TTC3: variants seen among roughly 807,000 people sequenced by gnomAD.
TTC3 encodes the protein tetratricopeptide repeat domain 3.
Under a neutral mutation model 249.6 loss-of-function variants are expected in TTC3, and 180 were observed. That is an observed-to-expected ratio of 0.72 (90% CI 0.64 to 0.82). The LOEUF is 0.82. Among genes scored for constraint, TTC3 ranks in the 40% least tolerant of loss-of-function variants. The pLI, the probability that TTC3 is intolerant of heterozygous loss-of-function variation, is 0.00. For synonymous variants in TTC3, 717 were observed against 805.0 expected, an observed-to-expected ratio of 0.89 and a Z score of 1.85; for missense variants, 2,061 against 2,398.4, an observed-to-expected ratio of 0.86 and a Z score of 2.94.
intron 9 of TTC3, among the ~76,000 whole-genome samples, chr21:37,096,338 G>T (rs1398329320): frequency 6.6e-6 from 1 of 152,150 alleles, no homozygotes; most frequent in Non-Finnish European, 1.5e-5. Context: ...ATGAGTTAGA[G>T]CAACTAGAGT....
chr21:37,133,683 G>A (rs1017694698), intron 17 of TTC3, among the ~76,000 whole-genome samples: 2 of 152,160 alleles, frequency 1.3e-5, no homozygotes, highest in Non-Finnish European at 2.9e-5. Flanking sequence ...TTTCAGGACA[G>A]ATCATTTATG....
intron 41 of TTC3, chr21:37,194,378 C>G (rs750298709): frequency 6.6e-6 from 1 of 152,116 alleles, no homozygotes; most frequent in African/African-American, 2.4e-5. Flanking sequence ...CTCCCTTTGT[C>G]CAGTGTTTTC....
At chr21:37,138,316 G>A (rs2835621) in intron 18 of TTC3, among the ~76,000 whole-genome samples, 81,057 of 152,038 alleles carry the variant, frequency 0.53, 22,248 homozygotes, top group African/African-American at 0.64. Flanking sequence ...CTAAGTAAAT[G>A]TCTTAATCTG....
At chr21:37,192,132 T>G in exon 41 of TTC3, 1 of 1,603,340 alleles carries the variant, frequency 6.2e-7, no homozygotes, top group Non-Finnish European at 8.5e-7. Flanking sequence ...AAGAACAAAT[T>G]AAGGCAATTA....
chr21:37,191,293 T>C, intron 39 of TTC3, 41 bp from the exon 40 acceptor site: 2 of 1,436,358 alleles, frequency 1.4e-6, no homozygotes, highest in Non-Finnish European at 1.9e-6. Context: ...TGCTTTTAAT[T>C]TTTAAAATTT....
chr21:37,177,521 G>A (rs978711002), intron 35 of TTC3, among the ~76,000 whole-genome samples: 1 of 152,162 alleles, frequency 6.6e-6, no homozygotes, highest in Non-Finnish European at 1.5e-5. Flanking sequence ...TCTGTGATTG[G>A]TGCCTGCTTC....
Position 37,152,041 on chromosome 21 carries a change from C to T in TTC3, c.2413+12C>T. On this transcript the variant is annotated intron_variant, in intron 26 of 45. Transcript: ENST00000355666. ...TGAAGAGCAGAAAGGTATGCAGAAG[C>T]CAAAGGCATGATAAGAATAATATAC... The T allele has an allele frequency of 6.4e-7, 1 of 1,559,284 alleles. No homozygotes were observed.
intron 15 of TTC3, among the ~76,000 whole-genome samples, chr21:37,126,405 AT>A (rs556469598): frequency 2.6e-5 from 4 of 151,930 alleles, no homozygotes; most frequent in Non-Finnish European, 5.9e-5. Context: ...CTGCTTCTTA[AT>A]TTTTTTTAGG....
chr21:37,111,538 G>T (rs146479838), intron 11 of TTC3, among the ~76,000 whole-genome samples: 1,925 of 152,300 alleles, frequency 0.013, 42 homozygotes, highest in African/African-American at 0.043. Context: ...GGAGCACCCA[G>T]ATTCATACAG....
chr21:37,115,573 A>G (rs550362863), intron 11 of TTC3, among the ~76,000 whole-genome samples: 3 of 152,352 alleles, frequency 2.0e-5, no homozygotes, highest in East Asian at 3.9e-4. Flanking sequence ...CATTGTTTTA[A>G]TGGCACACAA....
At chr21:37,109,013 C>T (rs1437645051) in intron 11 of TTC3, among the ~76,000 whole-genome samples, 1 of 152,118 alleles carries the variant, frequency 6.6e-6, no homozygotes, top group African/African-American at 2.4e-5. Context: ...GCCAGTAAAA[C>T]AAGTAAGCAT....
intron 1 of TTC3, chr21:37,081,846 A>G (rs2071710005): frequency 1.3e-5 from 2 of 150,890 alleles, no homozygotes; most frequent in Non-Finnish European, 3.0e-5. Context: ...TTTTCTTTTA[A>G]CAATTGCATT....
intron 21 of TTC3, among the ~76,000 whole-genome samples, chr21:37,145,963 T>G (rs2078949329): frequency 1.3e-5 from 2 of 152,262 alleles, no homozygotes; most frequent in South Asian, 4.1e-4. Context: ...AATGTGTGGT[T>G]TGGAGGGTCA....
At chr21:37,170,472 C>G (rs539709091) in intron 34 of TTC3, among the ~76,000 whole-genome samples, 221 of 152,254 alleles carry the variant, frequency 1.5e-3, no homozygotes, top group Admixed American at 3.7e-3. Flanking sequence ...TCGATCTGCA[C>G]TCATATATGT....
At chr21:37,158,330 C>A in intron 28 of TTC3, 1 of 465,792 alleles carries the variant, frequency 2.1e-6, no homozygotes, top group Non-Finnish European at 2.8e-6. Context: ...GTGTTCTCTA[C>A]ATATAATACA....
chr21:37,088,219 T>C, exon 4 of TTC3: 1 of 1,610,908 alleles, frequency 6.2e-7, no homozygotes, highest in Non-Finnish European at 8.5e-7. Context: ...CAGTATATGG[T>C]GTAGTAAACC....
exon 33 of TTC3, chr21:37,166,512 G>A (rs767140925): frequency 1.2e-6 from 2 of 1,614,066 alleles, no homozygotes; most frequent in African/African-American, 2.7e-5. Flanking sequence ...GAGTCTAACA[G>A]AAATGATGAG....
intron 19 of TTC3, among the ~76,000 whole-genome samples, chr21:37,138,923 T>C (rs574209881): frequency 6.6e-6 from 1 of 152,306 alleles, no homozygotes; most frequent in African/African-American, 2.4e-5. Context: ...AATCTACTTT[T>C]TATTTGTGTA....
At chr21:37,177,279 C>G (rs140761982) in intron 35 of TTC3, among the ~76,000 whole-genome samples, 6 of 152,286 alleles carry the variant, frequency 3.9e-5, no homozygotes, top group African/African-American at 1.2e-4. Context: ...CGGCACCTTT[C>G]AAGCTTCTAC....
Sources: gnomAD v4.1 joint callset for allele counts (sites outside exome capture counted in the v4.1 genomes callset) on GRCh38, gnomAD v4.1.1 for gene constraint, MANE v1.5 for transcripts, NCBI Gene and HGNC (gene_info 2026-07-23, HGNC 2026-07-21) for gene names.